Variants in POPDC1 observed in about 807,000 individuals in gnomAD.
The protein encoded by POPDC1 is popeye domain cAMP effector 1.
chr6:105,135,834 C>T, the POPDC1 span, among the ~76,000 whole-genome samples: 1 of 152,078 alleles, frequency 6.6e-6, no homozygotes, highest in Non-Finnish European at 1.5e-5. Flanking sequence ...TTGATTACCA[C>T]TTAATCGTTA....
the POPDC1 span, among the ~76,000 whole-genome samples, chr6:105,121,988 G>A: frequency 2.0e-5 from 3 of 152,300 alleles, no homozygotes; most frequent in East Asian, 1.9e-4. Context: ...ATGATCAAGC[G>A]TCCTCTGCCA....
the POPDC1 span, among the ~76,000 whole-genome samples, chr6:105,131,160 C>T: frequency 6.6e-6 from 1 of 152,128 alleles, no homozygotes; most frequent in South Asian, 2.1e-4. Context: ...AAGCTAACCA[C>T]CCACTTTAAA....
At chr6:105,126,150 C>T in the POPDC1 span, among the ~76,000 whole-genome samples, 417 of 151,284 alleles carry the variant, frequency 2.8e-3, 5 homozygotes, top group African/African-American at 9.6e-3. Context: ...TGCTTGAACC[C>T]GGGAGGTGGA....
chr6:105,104,279 T>G, the POPDC1 span, among the ~76,000 whole-genome samples: 1 of 152,134 alleles, frequency 6.6e-6, no homozygotes, highest in East Asian at 1.9e-4. Flanking sequence ...TCTACCCTCT[T>G]CATCTCAATA....
At chr6:105,102,740 A>C in the POPDC1 span, among the ~76,000 whole-genome samples, 1 of 152,204 alleles carries the variant, frequency 6.6e-6, no homozygotes, top group Non-Finnish European at 1.5e-5. Flanking sequence ...CCTATAGAAC[A>C]TGTGACTAAA....
the POPDC1 span, chr6:105,136,696 G>C: frequency 1.0e-4 from 16 of 152,394 alleles, no homozygotes; most frequent in African/African-American, 3.6e-4. Flanking sequence ...TGACCGTTGA[G>C]GGTCTCTGTG....
At chr6:105,110,235 A>C in the POPDC1 span, among the ~76,000 whole-genome samples, 7 of 87,832 alleles carry the variant, frequency 8.0e-5, no homozygotes, top group African/African-American at 3.3e-4. Context: ...GTCAGCTGCT[A>C]CAGCAGTAGC....
At chr6:105,103,110 T>C in the POPDC1 span, among the ~76,000 whole-genome samples, 11 of 152,296 alleles carry the variant, frequency 7.2e-5, no homozygotes, top group African/African-American at 2.6e-4. Flanking sequence ...CAAATGGCAA[T>C]GAATTCTATC....
the POPDC1 span, chr6:105,115,955 G>A: frequency 1.3e-6 from 1 of 779,394 alleles, no homozygotes. Flanking sequence ...ATACATATTA[G>A]GTGGCCAATA....
the POPDC1 span, among the ~76,000 whole-genome samples, chr6:105,123,330 A>G: frequency 6.6e-6 from 1 of 152,220 alleles, no homozygotes; most frequent in Non-Finnish European, 1.5e-5. Flanking sequence ...GTGAATGAAT[A>G]ACATAGGAGG....
At chr6:105,100,560 ATATATATATGTATGTATG>A in the POPDC1 span, 1 of 137,378 alleles carries the variant, frequency 7.3e-6, no homozygotes, top group African/African-American at 3.0e-5. Flanking sequence ...ATGTATATAT[ATATATATATGTATGTATG>A]TATGTGTGTG....
chr6:105,128,747 A>G, the POPDC1 span, among the ~76,000 whole-genome samples: 2 of 152,200 alleles, frequency 1.3e-5, no homozygotes, highest in African/African-American at 4.8e-5. Context: ...GGCAAGCATT[A>G]TATCTTTTAC....
At chr6:105,116,918 A>G in the POPDC1 span, 2 of 1,526,278 alleles carry the variant, frequency 1.3e-6, no homozygotes, top group Non-Finnish European at 1.8e-6. Context: ...ATGTATATGA[A>G]TTATGACTAT....
chr6:105,126,551 T>A, the POPDC1 span, among the ~76,000 whole-genome samples: 1 of 152,240 alleles, frequency 6.6e-6, no homozygotes, highest in Non-Finnish European at 1.5e-5. Flanking sequence ...AGGTTTTCAA[T>A]GTTGTCACAA....
At chr6:105,120,499 T>G in the POPDC1 span, among the ~76,000 whole-genome samples, 3 of 152,346 alleles carry the variant, frequency 2.0e-5, no homozygotes, top group South Asian at 6.2e-4. Flanking sequence ...TAAATTTACT[T>G]CTTATTAGGC....
the POPDC1 span, chr6:105,124,445 T>G: frequency 1.2e-6 from 1 of 807,596 alleles, no homozygotes; most frequent in East Asian, 2.6e-5. Context: ...TAACTTGTTT[T>G]TCCCCCCAAT....
At chr6:105,101,444 C>T in the POPDC1 span, among the ~76,000 whole-genome samples, 27 of 152,228 alleles carry the variant, frequency 1.8e-4, no homozygotes, top group East Asian at 1.4e-3. Flanking sequence ...CAGATTCCAC[C>T]GCATGTGCTT....
the POPDC1 span, chr6:105,124,601 A>G: frequency 6.2e-7 from 1 of 1,613,084 alleles, no homozygotes; most frequent in Non-Finnish European, 8.5e-7. Context: ...GAGAATCTAT[A>G]AAGGCACAGG....
the POPDC1 span, among the ~76,000 whole-genome samples, chr6:105,119,487 T>TG: frequency 6.6e-6 from 1 of 152,088 alleles, no homozygotes; most frequent in Non-Finnish European, 1.5e-5. Context: ...AAACTGACCC[T>TG]GGGGAATTCC....
Sources: gnomAD v4.1 joint callset for allele counts (sites outside exome capture counted in the v4.1 genomes callset) on GRCh38, gnomAD v4.1.1 for gene constraint, MANE v1.5 for transcripts, NCBI Gene and HGNC (gene_info 2026-07-23, HGNC 2026-07-21) for gene names.